Variants in PHF21A observed in about 807,000 individuals in gnomAD.
PHF21A encodes the protein PHD finger protein 21A.
A neutral mutation model predicts 82.5 loss-of-function variants in PHF21A; 11 were observed. The ratio of observed to expected loss-of-function variants is 0.13; its 90% CI spans 0.08 to 0.22. The LOEUF is 0.22. Among genes scored for constraint, PHF21A ranks in the 10% least tolerant of loss-of-function variants. The pLI is 1.00. For synonymous variants in PHF21A, 297 were observed against 302.8 expected, an observed-to-expected ratio of 0.98 and a Z score of 0.20; for missense variants, 579 against 837.8, an observed-to-expected ratio of 0.69 and a Z score of 3.81.
intron 6 of PHF21A, among the ~76,000 whole-genome samples, chr11:46,070,166 T>C (rs2096639529): frequency 6.6e-6 from 1 of 152,170 alleles, no homozygotes; most frequent in Non-Finnish European, 1.5e-5. Flanking sequence ...CATAACTAGT[T>C]ATAGGAGGGA....
intron 6 of PHF21A, among the ~76,000 whole-genome samples, chr11:46,000,372 G>A (rs948423648): frequency 1.3e-5 from 2 of 152,148 alleles, no homozygotes; most frequent in Non-Finnish European, 2.9e-5. Flanking sequence ...CTCTCATCAA[G>A]ATATGATAGT....
At chr11:46,094,823 C>G (rs2096971987) in intron 1 of PHF21A, among the ~76,000 whole-genome samples, 2 of 152,100 alleles carry the variant, frequency 1.3e-5, no homozygotes, top group Admixed American at 6.5e-5. Flanking sequence ...TCACTTGAAC[C>G]CGGGAGGCAG....
At chr11:46,065,961 GCACATC>G (rs971436389) in intron 6 of PHF21A, among the ~76,000 whole-genome samples, 22 of 152,206 alleles carry the variant, frequency 1.4e-4, no homozygotes, top group Non-Finnish European at 5.9e-5. Context: ...GTTAGGGCGG[GCACATC>G]CAAGAGATGA....
At chr11:46,001,288 G>C (rs547787967) in intron 6 of PHF21A, among the ~76,000 whole-genome samples, 1 of 151,106 alleles carries the variant, frequency 6.6e-6, no homozygotes, top group Admixed American at 6.6e-5. Flanking sequence ...TGACCACCAG[G>C]GGGGCTGGAA....
intron 6 of PHF21A, among the ~76,000 whole-genome samples, chr11:46,019,980 T>C (rs1165007070): frequency 6.6e-6 from 1 of 152,030 alleles, no homozygotes; most frequent in Admixed American, 6.5e-5. Flanking sequence ...TGCTATTTTC[T>C]ACATTTTGAC....
chr11:46,044,514 C>G (rs1176736956), intron 6 of PHF21A, among the ~76,000 whole-genome samples: 1 of 152,006 alleles, frequency 6.6e-6, no homozygotes, highest in Admixed American at 6.6e-5. Flanking sequence ...AAGTAACAAC[C>G]TGTGTAACCT....
Position 45,950,286 on chromosome 11 carries a change from G to A in PHF21A, c.1096-29C>T, listed in dbSNP as rs769042629. ...TGCCAGAGAAACAAAAGAAGAATAT[G>A]CTTCAGTCTGGGTTCTCACAAAGCC... On this transcript the variant is annotated intron_variant, in intron 11 of 18. Transcript: ENST00000676320. The A allele has an allele frequency of 3.7e-6, 6 of 1,603,258 alleles. No individual in the cohort carries two copies. In the South Asian group the frequency reaches 5.5e-5, roughly 15 times the overall value.
chr11:46,069,078 G>C (rs2139755388), intron 6 of PHF21A, among the ~76,000 whole-genome samples: 1 of 152,204 alleles, frequency 6.6e-6, no homozygotes, highest in East Asian at 1.9e-4. Context: ...TACAGCACTG[G>C]GAACCACAGT....
intron 6 of PHF21A, among the ~76,000 whole-genome samples, chr11:45,983,331 C>T (rs527920714): frequency 6.6e-6 from 1 of 152,176 alleles, no homozygotes; most frequent in East Asian, 1.9e-4. Flanking sequence ...AGAAAGAGAG[C>T]TCTGCATTAC....
At chr11:45,999,428 A>G (rs1227679634) in intron 6 of PHF21A, among the ~76,000 whole-genome samples, 2 of 152,248 alleles carry the variant, frequency 1.3e-5, no homozygotes, top group African/African-American at 4.8e-5. Context: ...ATATGTACCC[A>G]GTGAAATAGC....
At chr11:45,985,826 A>T (rs2959097) in intron 6 of PHF21A, among the ~76,000 whole-genome samples, 132,630 of 152,046 alleles carry the variant, frequency 0.87, 58,179 homozygotes, top group East Asian at 1. Flanking sequence ...TCTACAAAAG[A>T]AGGTCTCTTT....
chr11:46,002,844 A>C (rs921500648), intron 6 of PHF21A, among the ~76,000 whole-genome samples: 3 of 152,212 alleles, frequency 2.0e-5, no homozygotes, highest in Non-Finnish European at 2.9e-5. Flanking sequence ...TGAAAAAAAA[A>C]GTCTCTAGAA....
At chr11:46,002,164 T>C (rs1304900739) in intron 6 of PHF21A, among the ~76,000 whole-genome samples, 1 of 152,228 alleles carries the variant, frequency 6.6e-6, no homozygotes, top group Non-Finnish European at 1.5e-5. Flanking sequence ...CTTCACTTAA[T>C]GTTTTTAAAC....
At chr11:46,095,971 A>C (rs528466985) in intron 1 of PHF21A, among the ~76,000 whole-genome samples, 1 of 152,306 alleles carries the variant, frequency 6.6e-6, no homozygotes, top group Non-Finnish European at 1.5e-5. Context: ...TACCAAGCTG[A>C]TAGAGGCCCC....
At chr11:45,964,897 G>A (rs2093340237) in intron 10 of PHF21A, among the ~76,000 whole-genome samples, 1 of 152,186 alleles carries the variant, frequency 6.6e-6, no homozygotes, top group Admixed American at 6.5e-5. Context: ...AAAAGTCTTT[G>A]AAATGAAATC....
intron 6 of PHF21A, among the ~76,000 whole-genome samples, chr11:46,069,098 T>C (rs1327751062): frequency 1.3e-5 from 2 of 152,172 alleles, no homozygotes; most frequent in African/African-American, 4.8e-5. Flanking sequence ...TCACACTACA[T>C]ATATACAACC....
chr11:46,092,759 C>CT (rs10681499), intron 1 of PHF21A, among the ~76,000 whole-genome samples: 4,273 of 135,598 alleles, frequency 0.032, 153 homozygotes, highest in Middle Eastern at 0.045. Flanking sequence ...TGTGTCTCAC[C>CT]TTTTTTTTTT....
intron 6 of PHF21A, among the ~76,000 whole-genome samples, chr11:45,988,724 T>A (rs2094577606): frequency 6.6e-6 from 1 of 151,962 alleles, no homozygotes; most frequent in African/African-American, 2.4e-5. Context: ...ATCCCGTCTC[T>A]ACAGAAAATA....
chr11:45,983,604 G>A (rs1591586373), intron 6 of PHF21A, among the ~76,000 whole-genome samples: 2 of 152,310 alleles, frequency 1.3e-5, no homozygotes, highest in South Asian at 4.1e-4. Context: ...GGTGAGCTCT[G>A]CAGCAGAGGT....
Sources: allele counts gnomAD v4.1 joint callset (sites outside exome capture counted in the v4.1 genomes callset), GRCh38; gene constraint gnomAD v4.1.1; transcripts MANE v1.5; gene names NCBI Gene and HGNC (gene_info 2026-07-23, HGNC 2026-07-21).